The following SLF1 variants were observed in gnomAD, a reference collection of about 807,000 sequenced individuals.
SLF1 encodes the protein SMC5/6 complex localization factor 1.
A neutral mutation model predicts 123.0 loss-of-function variants in SLF1; 105 were observed. That is an observed-to-expected ratio of 0.85 (90% CI 0.73 to 1.00). SLF1 has a LOEUF of 1.00. Ranked by LOEUF, SLF1 falls within the 50% of genes least tolerant of loss-of-function variation. The pLI is 0.00. For missense variants in SLF1, 1,239 were observed against 1,223.0 expected (o/e 1.01, Z -0.20); for synonymous variants, 434 against 406.6 (o/e 1.07, Z -0.81).
At chr5:94,653,076 C>G (rs2152479988) in intron 7 of SLF1, among the ~76,000 whole-genome samples, 196 bp from the exon 8 acceptor site, 1 of 152,310 alleles carries the variant, frequency 6.6e-6, no homozygotes, top group African/African-American at 2.4e-5. Flanking sequence ...AGGCTGGTCT[C>G]TAACTCCCGA....
At position 94,671,025 on chromosome 5, in the gene SLF1, T is replaced by A; in HGVS notation, c.1827+17T>A. ...TCTAATGATGTAAGTAGGATTAATT[T>A]ATAGATGAATAGTCTATGGAAACAG... On this transcript the variant is annotated intron_variant, in intron 14 of 20. Coordinates refer to ENST00000265140, the MANE Select transcript of SLF1 (RefSeq NM_032290.4). 6.8e-7 allele frequency: 1 copy of A among 1,467,182 alleles called. No homozygotes were observed. The highest frequency in any genetic ancestry group is 9.3e-7 in the Non-Finnish European group (1 of 1,077,146). 90.9% of individuals were successfully genotyped at this position (1,467,182 alleles called of 1,614,324 possible).
intron 3 of SLF1, chr5:94,629,689 A>C (rs1002044441): frequency 6.6e-6 from 1 of 152,300 alleles, no homozygotes; most frequent in Non-Finnish European, 1.5e-5. Flanking sequence ...TTGATCTGAC[A>C]TATCATTAGT....
rs1238001461 is a variant in SLF1, at chr5:94,689,386, G to A, written c.2286-87G>A. The A allele has an allele frequency of 2.2e-6, 3 of 1,350,426 alleles. No homozygotes were observed. In the African/African-American group the frequency reaches 4.4e-5, roughly 20 times the overall value. The allele number at this position is 1,350,426 out of a possible 1,614,324, so 83.7% of individuals were successfully genotyped here. A position where few individuals can be genotyped will look rare whatever the true frequency, so the allele number is the denominator to read the frequency against. The stretch of plus-strand genomic sequence containing the variant: ...GTAAGGGAGTTTAAATTAAAAGGGG[G>A]CTAGACTTTTAAAAAATACCATCTA... On this transcript the variant is annotated intron_variant, in intron 17 of 20. Transcript: ENST00000265140.
chr5:94,674,431 T>G (rs975698847), intron 14 of SLF1, among the ~76,000 whole-genome samples: 2 of 152,218 alleles, frequency 1.3e-5, no homozygotes, highest in African/African-American at 4.8e-5. Flanking sequence ...ATTTTGCAAA[T>G]TAATATTTTA....
At chr5:94,631,096 A>G (rs1012397419) in intron 4 of SLF1, among the ~76,000 whole-genome samples, 1 of 152,136 alleles carries the variant, frequency 6.6e-6, no homozygotes, top group Non-Finnish European at 1.5e-5. Flanking sequence ...TTCTGGGTTT[A>G]TGTAGTGCTG....
intron 4 of SLF1, among the ~76,000 whole-genome samples, chr5:94,640,032 A>T (rs1245368532): frequency 1.3e-5 from 2 of 152,222 alleles, no homozygotes; most frequent in Non-Finnish European, 2.9e-5. Context: ...ATTTACTTTT[A>T]AGATGATTAA....
At position 94,682,917 on chromosome 5, in the gene SLF1, A is replaced by G. The variant is rs115015809; in HGVS notation, c.1976-3656A>G. Among the ~76,000 whole-genome samples the G allele has an allele frequency of 2.9e-3, 442 of 152,322 alleles. 1 individual carries two copies. The highest frequency in any genetic ancestry group is 0.01 in the African/African-American group (430 of 41,566). On this transcript the variant is annotated intron_variant, in intron 15 of 20. Transcript: ENST00000265140. Reference sequence around the variant, plus strand: ...CCCTACAGTCTCTCCCTGCCACTCAACTTTGCAGTTGTAGTAAGAAAGCAG... The same window carrying G: ...CCCTACAGTCTCTCCCTGCCACTCAGCTTTGCAGTTGTAGTAAGAAAGCAG...
rs767072020 is a variant in SLF1 at position 94,651,741 on chromosome 5, A to G, written c.778A>G (p.Ile260Val). The G allele has an allele frequency of 2.3e-5, 35 of 1,523,764 alleles. 1 individual carries two copies. Among genetic ancestry groups the G allele is most frequent in the Middle Eastern group, 1.7e-4 (1 of 5,908 alleles). 94.4% of individuals were successfully genotyped at this position (1,523,764 alleles called of 1,614,324 possible). A position where few individuals can be genotyped will look rare whatever the true frequency, so the allele number is the denominator to read the frequency against. Residue 260 changes from isoleucine (I) to valine (V), a missense_variant, in exon 7 of 21, where the codon ATT (isoleucine) becomes GTT (valine). Physicochemically the swap from Ile to Val is conservative, Grantham distance 29 (BLOSUM62 3). Transcript: ENST00000265140. Reference protein sequence around the residue: ...QNHEDVNVGSILIQHHKKEKF... With the variant: ...QNHEDVNVGSVLIQHHKKEKF... ...TCATGAAGATGTTAATGTTGGTTCT[A>G]TTTTGATTCAACATCACAAAAAAGA...
chr5:94,635,898 T>C (rs1349828807), intron 4 of SLF1, among the ~76,000 whole-genome samples: 2 of 152,244 alleles, frequency 1.3e-5, no homozygotes, highest in Non-Finnish European at 2.9e-5. Flanking sequence ...TTAAGTTTTA[T>C]ACTTTTGTAT....
chr5:94,686,088 G>T (rs1752399745), intron 15 of SLF1, among the ~76,000 whole-genome samples: 1 of 152,054 alleles, frequency 6.6e-6, no homozygotes, highest in Non-Finnish European at 1.5e-5. Flanking sequence ...TTTCTGCAGT[G>T]ATAAGATTCA....
chr5:94,632,462 G>A (rs1745312374), intron 4 of SLF1, among the ~76,000 whole-genome samples: 1 of 152,106 alleles, frequency 6.6e-6, no homozygotes, highest in South Asian at 2.1e-4. Flanking sequence ...TATTTTATAG[G>A]TCAAATCTTA....
At chr5:94,682,644 A>G (rs989083119) in intron 15 of SLF1, among the ~76,000 whole-genome samples, 3 of 152,266 alleles carry the variant, frequency 2.0e-5, no homozygotes, top group Non-Finnish European at 4.4e-5. Context: ...TTAAGGCAAC[A>G]GATATTTTAG....
rs1260469353 is a variant in SLF1, at chr5:94,689,579, A to T, written c.2392A>T (p.Met798Leu). 6.2e-7 allele frequency: 1 copy of T among 1,609,812 alleles called. No individual in the cohort carries two copies. Among genetic ancestry groups the T allele is most frequent in the African/African-American group, 1.3e-5 (1 of 74,742 alleles). ...GAATTGCCCCTCTGTAGTTAAAAAG[A>T]TGAATTTTCACAAGACTAATCTAAA... is the stretch of plus-strand genomic sequence containing the variant. ...KENCPSVVKK[M>L]NFHKTNLKGE... is the part of the protein sequence containing the mutation. Residue 798 changes from methionine to leucine, a missense_variant, in exon 18 of 21, where the codon ATG becomes TTG. Met to Leu is a conservative substitution (Grantham distance 15, BLOSUM62 2). Transcript: ENST00000265140.
chr5:94,669,508 C>G (rs557660942), intron 12 of SLF1, among the ~76,000 whole-genome samples: 1 of 152,094 alleles, frequency 6.6e-6, no homozygotes, highest in East Asian at 1.9e-4. Flanking sequence ...AGTGTGCTGT[C>G]TGACCCAATA....
intron 4 of SLF1, among the ~76,000 whole-genome samples, chr5:94,633,027 G>C (rs576120912): frequency 4.7e-4 from 72 of 151,888 alleles, no homozygotes; most frequent in Non-Finnish European, 5.6e-4. Flanking sequence ...TTTTGCTCTT[G>C]TTGCCCCGGC....
intron 1 of SLF1, chr5:94,620,164 G>A (rs1461572528): frequency 1.3e-5 from 2 of 152,286 alleles, no homozygotes; most frequent in Non-Finnish European, 2.9e-5. Flanking sequence ...ACAGGCGTGA[G>A]CCACCGGGTA....
intron 15 of SLF1, among the ~76,000 whole-genome samples, chr5:94,681,482 TTTTC>T (rs1339413826): frequency 6.6e-6 from 1 of 152,202 alleles, no homozygotes; most frequent in African/African-American, 2.4e-5. Context: ...TATTTTTCTA[TTTTC>T]TTTTTTATTT....
At chr5:94,673,574 T>G (rs752656818) in intron 14 of SLF1, among the ~76,000 whole-genome samples, 3 of 151,842 alleles carry the variant, frequency 2.0e-5, no homozygotes, top group Non-Finnish European at 2.9e-5. Context: ...GTATTAGTTT[T>G]AACTACTTGA....
chr5:94,678,183 G>A (rs1307369028), intron 14 of SLF1, among the ~76,000 whole-genome samples: 1 of 152,134 alleles, frequency 6.6e-6, no homozygotes, highest in Non-Finnish European at 1.5e-5. Context: ...GCCTCCCAAA[G>A]TGCTGGGATT....
Sources: allele counts gnomAD v4.1 joint callset (sites outside exome capture counted in the v4.1 genomes callset), GRCh38; gene constraint gnomAD v4.1.1; transcripts MANE v1.5; gene names NCBI Gene and HGNC (gene_info 2026-07-23, HGNC 2026-07-21).